The following TMEM163 variants were observed in gnomAD, a reference collection of about 807,000 sequenced individuals.
TMEM163 encodes transmembrane protein 163.
TMEM163 carries 17 observed loss-of-function variants against 29.3 expected under a neutral mutation model. The observed-to-expected ratio is 0.58, with a 90% CI of 0.40 to 0.87. The LOEUF is 0.87. Among genes scored for constraint, TMEM163 ranks in the 40% least tolerant of loss-of-function variants. TMEM163 has a pLI of 0.00. For missense variants in TMEM163, 303 were observed against 381.5 expected, an observed-to-expected ratio of 0.79 and a Z score of 1.71; for synonymous variants, 157 against 160.6, an observed-to-expected ratio of 0.98 and a Z score of 0.17.
At chr2:134,621,116 G>A (rs768649576) in intron 2 of TMEM163, among the ~76,000 whole-genome samples, 5 of 152,096 alleles carry the variant, frequency 3.3e-5, no homozygotes, top group Admixed American at 2.0e-4. Flanking sequence ...TATATCCCTC[G>A]TATCATTCAA....
At chr2:134,683,412 A>C (rs1431403267) in intron 2 of TMEM163, among the ~76,000 whole-genome samples, 2 of 147,610 alleles carry the variant, frequency 1.4e-5, no homozygotes, top group Non-Finnish European at 2.9e-5. Flanking sequence ...ACTGCTCTAA[A>C]AAAGTCTTTA....
intron 2 of TMEM163, among the ~76,000 whole-genome samples, chr2:134,599,011 C>T (rs1441470765): frequency 2.0e-5 from 2 of 99,102 alleles, no homozygotes; most frequent in Non-Finnish European, 3.9e-5. Flanking sequence ...GAAGCCATTC[C>T]GTTAAAAAAA....
chr2:134,503,645 T>C (rs577436779), intron 4 of TMEM163, among the ~76,000 whole-genome samples: 4 of 152,090 alleles, frequency 2.6e-5, no homozygotes, highest in South Asian at 2.1e-4. Flanking sequence ...AGACAGGAGT[T>C]TGTGGTAAGA....
Position 134,476,286 on chromosome 2 carries a change from CAG to C in TMEM163, c.556-10063_556-10062del, listed in dbSNP as rs200864089. Among the ~76,000 whole-genome samples, 861 of 152,228 alleles carry C rather than the reference CAG, an allele frequency of 5.7e-3. 3 individuals are homozygous for C. Among genetic ancestry groups the C allele is most frequent in the Middle Eastern group, 0.024 (7 of 294 alleles). ...CTGCAGAAAAGGGAACCTAAAGTAA[CAG>C]AAAGCAGACTAGCTGGGGAGAGGAG... On this transcript the variant is annotated intron_variant, in intron 5 of 7. Coordinates refer to ENST00000281924, the MANE Select transcript of TMEM163 (RefSeq NM_030923.5).
intron 2 of TMEM163, among the ~76,000 whole-genome samples, chr2:134,675,392 G>A (rs184052864): frequency 5.9e-5 from 9 of 152,128 alleles, no homozygotes; most frequent in African/African-American, 1.4e-4. Flanking sequence ...CACTTGTATC[G>A]CCTGAGGTTT....
At chr2:134,510,715 G>C (rs187026665) in intron 4 of TMEM163, among the ~76,000 whole-genome samples, 1 of 152,254 alleles carries the variant, frequency 6.6e-6, no homozygotes, top group South Asian at 2.1e-4. Flanking sequence ...GTGAGGAGCC[G>C]GTAGTGAGTC....
intron 5 of TMEM163, among the ~76,000 whole-genome samples, chr2:134,486,688 C>T (rs184203568): frequency 7.2e-5 from 11 of 152,244 alleles, no homozygotes; most frequent in Admixed American, 5.2e-4. Flanking sequence ...ATAGTTCTTA[C>T]GTTAAAATCA....
chr2:134,698,138 T>C (rs1009400524), intron 2 of TMEM163, among the ~76,000 whole-genome samples: 2 of 152,216 alleles, frequency 1.3e-5, no homozygotes, highest in East Asian at 3.8e-4. Flanking sequence ...TTTAACAGCA[T>C]TCTTGCCCTC....
intron 2 of TMEM163, among the ~76,000 whole-genome samples, chr2:134,707,720 C>G (rs1684844957): frequency 6.6e-6 from 1 of 151,834 alleles, no homozygotes; most frequent in Non-Finnish European, 1.5e-5. Flanking sequence ...TAAAACTGCT[C>G]TGGGGGAATG....
chr2:134,617,857 T>C (rs1475352486), intron 2 of TMEM163, among the ~76,000 whole-genome samples: 1 of 152,024 alleles, frequency 6.6e-6, no homozygotes, highest in Non-Finnish European at 1.5e-5. Context: ...CACACTATGA[T>C]CCCAGCACTT....
chr2:134,605,634 T>C (rs2104813346), intron 2 of TMEM163, among the ~76,000 whole-genome samples: 1 of 150,686 alleles, frequency 6.6e-6, no homozygotes, highest in East Asian at 2.0e-4. Context: ...GGAGGTGAGC[T>C]GAGATCGCGC....
At chr2:134,537,138 G>A (rs552653420) in intron 4 of TMEM163, among the ~76,000 whole-genome samples, 1 of 152,284 alleles carries the variant, frequency 6.6e-6, no homozygotes, top group South Asian at 2.1e-4. Context: ...GACAGATCAG[G>A]CAATCAGAGG....
At chr2:134,546,053 A>C (rs1450678099) in intron 4 of TMEM163, among the ~76,000 whole-genome samples, 2 of 152,140 alleles carry the variant, frequency 1.3e-5, no homozygotes, top group African/African-American at 2.4e-5. Flanking sequence ...CCATACCTTT[A>C]TTTCCTACCA....
At chr2:134,613,552 A>C (rs897256554) in intron 2 of TMEM163, among the ~76,000 whole-genome samples, 4 of 152,220 alleles carry the variant, frequency 2.6e-5, no homozygotes, top group African/African-American at 7.2e-5. Flanking sequence ...CAGTACAATT[A>C]ATGGTGGATT....
At chr2:134,707,447 G>C (rs1684838981) in intron 2 of TMEM163, among the ~76,000 whole-genome samples, 1 of 152,134 alleles carries the variant, frequency 6.6e-6, no homozygotes, top group Non-Finnish European at 1.5e-5. Flanking sequence ...GTGCACCTTT[G>C]GTCTCAGGAA....
intron 2 of TMEM163, among the ~76,000 whole-genome samples, chr2:134,630,520 A>G (rs965533669): frequency 6.6e-6 from 1 of 152,214 alleles, no homozygotes; most frequent in African/African-American, 2.4e-5. Flanking sequence ...CCCCAATGCT[A>G]GAATGGGAAA....
intron 5 of TMEM163, among the ~76,000 whole-genome samples, chr2:134,496,626 G>A (rs1679569051): frequency 6.6e-6 from 1 of 152,168 alleles, no homozygotes; most frequent in South Asian, 2.1e-4. Flanking sequence ...ACTGAGAGGG[G>A]CTCCCTTTTA....
At chr2:134,715,091 G>A (rs1056093248) in intron 1 of TMEM163, among the ~76,000 whole-genome samples, 2 of 152,162 alleles carry the variant, frequency 1.3e-5, no homozygotes, top group Admixed American at 1.3e-4. Context: ...TGTTTGCTAG[G>A]TATTTTGACA....
intron 2 of TMEM163, among the ~76,000 whole-genome samples, chr2:134,656,550 A>G (rs1378685332): frequency 4.6e-5 from 7 of 152,132 alleles, no homozygotes; most frequent in Non-Finnish European, 1.0e-4. Flanking sequence ...AGCTGTTCCT[A>G]TTCGGCCATC....
Sources: allele counts gnomAD v4.1 joint callset (sites outside exome capture counted in the v4.1 genomes callset), GRCh38; gene constraint gnomAD v4.1.1; transcripts MANE v1.5; gene names NCBI Gene and HGNC (gene_info 2026-07-23, HGNC 2026-07-21).